The following PIBF1 variants were observed in gnomAD, a reference collection of about 807,000 sequenced individuals.
PIBF1 encodes progesterone-induced-blocking factor 1.
Under a neutral mutation model 112.5 loss-of-function variants are expected in PIBF1, and 90 were observed. The ratio of observed to expected loss-of-function variants is 0.80; its 90% confidence interval spans 0.67 to 0.95. The LOEUF (loss-of-function observed/expected upper bound fraction) is 0.95. Ranked by LOEUF, PIBF1 falls within the 40% of genes least tolerant of loss-of-function variation. The pLI, the probability that PIBF1 is intolerant of heterozygous loss-of-function variation, is 0.00. For synonymous variants in PIBF1, 301 were observed against 288.6 expected (o/e 1.04, Z -0.44); for missense variants, 915 against 852.3 (o/e 1.07, Z -0.92).
chr13:72,784,442 A>C (rs1408092907), intron 2 of PIBF1, among the ~76,000 whole-genome samples: 1 of 146,126 alleles, frequency 6.8e-6, no homozygotes, highest in African/African-American at 2.5e-5. Context: ...CAAGACTCTC[A>C]AAAACTAGTA....
chr13:72,782,646 A>T (rs2138276477), intron 1 of PIBF1, among the ~76,000 whole-genome samples: 1 of 152,344 alleles, frequency 6.6e-6, no homozygotes, highest in South Asian at 2.1e-4. Flanking sequence ...ATCATGAGGT[A>T]TTAAAACAAG....
chr13:72,891,047 G>A (rs569362067), intron 10 of PIBF1, among the ~76,000 whole-genome samples: 7 of 152,124 alleles, frequency 4.6e-5, no homozygotes, highest in African/African-American at 1.7e-4. Flanking sequence ...CACCTAGATG[G>A]TTTATTGTTT....
chr13:72,886,629 A>G (rs555328695), intron 10 of PIBF1, among the ~76,000 whole-genome samples: 12 of 152,012 alleles, frequency 7.9e-5, no homozygotes, highest in South Asian at 4.1e-4. Flanking sequence ...TATTTTATTA[A>G]TGGCATTACA....
chr13:72,853,809 A>C (rs1384801896), intron 9 of PIBF1, among the ~76,000 whole-genome samples: 1 of 152,132 alleles, frequency 6.6e-6, no homozygotes, highest in African/African-American at 2.4e-5. Flanking sequence ...TATATATACA[A>C]ACTGGTTAGC....
At position 72,810,734 on chromosome 13, in the gene PIBF1, A is replaced by G. The variant is rs1039245614; in HGVS notation, c.673-11115A>G. 2.0e-5 allele frequency among the ~76,000 whole-genome samples: 3 copies of G among 152,366 alleles called. No homozygotes were observed. The East Asian group carries it at 5.8e-4, about 29-fold the overall frequency. On this transcript the variant is annotated intron_variant, in intron 5 of 17. Coordinates refer to ENST00000326291, the MANE Select transcript of PIBF1 (RefSeq NM_006346.4). ...ATTATCCTAGAATGCTTAACAAATT[A>G]GTAAACAGTGATAGATTTGCCTCTT...
At chr13:72,821,360 C>T (rs1172826213) in intron 5 of PIBF1, among the ~76,000 whole-genome samples, 2 of 152,088 alleles carry the variant, frequency 1.3e-5, no homozygotes, top group Non-Finnish European at 1.5e-5. Context: ...GAGGGTCACA[C>T]GATTCCTTTT....
At chr13:72,850,466 T>C (rs1369117816) in intron 9 of PIBF1, among the ~76,000 whole-genome samples, 1 of 152,224 alleles carries the variant, frequency 6.6e-6, no homozygotes, top group East Asian at 1.9e-4. Flanking sequence ...CAAGCCCTGA[T>C]GTTAGCTTGT....
At chr13:72,805,389 G>A (rs893834430) in intron 5 of PIBF1, among the ~76,000 whole-genome samples, 11 of 152,130 alleles carry the variant, frequency 7.2e-5, no homozygotes, top group African/African-American at 2.4e-4. Context: ...TCATCCGCCC[G>A]CCTTGACCTC....
Position 73,015,905 on chromosome 13 carries a change from A to C in PIBF1, c.2260A>C (p.Lys754Gln). The C allele has an allele frequency of 6.3e-7, 1 of 1,589,726 alleles. No homozygotes were observed. The highest frequency in any genetic ancestry group is 1.1e-5 in the South Asian group (1 of 87,458). ...KEAPEWSKKQ[K>Q]MKT is the part of the protein sequence containing the mutation. ...AGCACCTGAGTGGTCTAAGAAACAA[A>C]AGATGAAGACCTAGTGTTTTGGATG... is the stretch of plus-strand genomic sequence containing the variant. Residue 754 changes from lysine (K) to glutamine (Q), a missense_variant, in exon 18 of 18, where the codon AAG (lysine) becomes CAG (glutamine). Lys to Gln is a moderately conservative substitution (Grantham distance 53, BLOSUM62 1). Coordinates refer to ENST00000326291, the MANE Select transcript of PIBF1 (RefSeq NM_006346.4).
intron 12 of PIBF1, among the ~76,000 whole-genome samples, chr13:72,912,768 TCTC>T (rs1438621591): frequency 3.3e-5 from 5 of 152,206 alleles, no homozygotes; most frequent in South Asian, 2.1e-4. Context: ...GTAGAATACT[TCTC>T]CTCACTGGAA....
At chr13:72,999,139 A>G (rs2043777908) in intron 17 of PIBF1, 144 bp downstream of exon 17, 2 of 567,998 alleles carry the variant, frequency 3.5e-6, no homozygotes, top group Non-Finnish European at 6.2e-6. Flanking sequence ...ATTTGCATTA[A>G]TCCATTTTCT....
chr13:72,846,999 T>C (rs1490055119), intron 9 of PIBF1, among the ~76,000 whole-genome samples: 1 of 152,232 alleles, frequency 6.6e-6, no homozygotes, highest in Non-Finnish European at 1.5e-5. Context: ...CTCAAAGGTT[T>C]ATAATGGATT....
intron 5 of PIBF1, among the ~76,000 whole-genome samples, chr13:72,802,639 G>A (rs889146269): frequency 3.3e-5 from 5 of 152,180 alleles, no homozygotes; most frequent in African/African-American, 1.2e-4. Flanking sequence ...GAATGAGGCC[G>A]ACTTGAGTGC....
chr13:72,874,199 A>G (rs942914182), intron 10 of PIBF1, among the ~76,000 whole-genome samples: 1 of 152,174 alleles, frequency 6.6e-6, no homozygotes, highest in Non-Finnish European at 1.5e-5. Context: ...GACAGTTTTT[A>G]AGAAGGTTAA....
intron 16 of PIBF1, among the ~76,000 whole-genome samples, chr13:72,995,159 G>A (rs1006829874): frequency 1.4e-4 from 22 of 151,758 alleles, no homozygotes; most frequent in African/African-American, 1.9e-4. Context: ...AAAATTAGCC[G>A]GGCATGGTAG....
chr13:72,957,247 A>G (rs550090304), intron 14 of PIBF1, among the ~76,000 whole-genome samples: 1 of 152,216 alleles, frequency 6.6e-6, no homozygotes, highest in Non-Finnish European at 1.5e-5. Context: ...CAATTGCAAA[A>G]ATATGGAACC....
At chr13:72,797,040 C>T (rs929374395) in intron 4 of PIBF1, among the ~76,000 whole-genome samples, 21 of 152,056 alleles carry the variant, frequency 1.4e-4, no homozygotes, top group Admixed American at 1.0e-3. Context: ...TTTATGGGAC[C>T]TTGTCAGATG....
At chr13:72,845,503 T>G (rs2037829019) in intron 9 of PIBF1, among the ~76,000 whole-genome samples, 1 of 152,082 alleles carries the variant, frequency 6.6e-6, no homozygotes, top group Non-Finnish European at 1.5e-5. Flanking sequence ...TATAGTAGAG[T>G]GATTTATAGT....
chr13:72,986,128 A>C (rs1227401341), intron 16 of PIBF1, among the ~76,000 whole-genome samples: 1 of 152,118 alleles, frequency 6.6e-6, no homozygotes, highest in Non-Finnish European at 1.5e-5. Context: ...GCACCACTGC[A>C]CTCCAGCCTG....
Sources: allele counts gnomAD v4.1 joint callset (sites outside exome capture counted in the v4.1 genomes callset), GRCh38; gene constraint gnomAD v4.1.1; transcripts MANE v1.5; gene names NCBI Gene and HGNC (gene_info 2026-07-23, HGNC 2026-07-21).